NTM: variants seen among roughly 807,000 people sequenced by gnomAD.
NTM encodes neurotrimin.
NTM carries 13 observed loss-of-function variants against 42.1 expected under a neutral mutation model. The observed-to-expected ratio is 0.31, with a 90% CI of 0.20 to 0.49. The LOEUF is 0.49. Among genes scored for constraint, NTM ranks in the 20% least tolerant of loss-of-function variants. The pLI, the probability that NTM is intolerant of heterozygous loss-of-function variation, is 0.99. For synonymous variants in NTM, 187 were observed against 179.2 expected (o/e 1.04, Z -0.35); for missense variants, 373 against 452.8 (o/e 0.82, Z 1.60).
At chr11:131,633,026 C>CA (rs1430445864) in intron 1 of NTM, among the ~76,000 whole-genome samples, 1 of 152,154 alleles carries the variant, frequency 6.6e-6, no homozygotes, top group South Asian at 2.1e-4. Context: ...CTGCTGCATC[C>CA]AAAAGCTACT....
chr11:131,670,362 T>TTC (rs2069931456), intron 1 of NTM, among the ~76,000 whole-genome samples: 5 of 151,976 alleles, frequency 3.3e-5, no homozygotes, highest in African/African-American at 1.2e-4. Context: ...TCTCTTACTT[T>TTC]CTTCCTTCCT....
intron 1 of NTM, among the ~76,000 whole-genome samples, chr11:131,450,945 A>T (rs1343145522): frequency 2.6e-5 from 4 of 152,144 alleles, no homozygotes; most frequent in African/African-American, 9.7e-5. Context: ...TGCAAAGGAG[A>T]CAGGGCAGGG....
chr11:131,812,428 A>C (rs1213152799), intron 1 of NTM, among the ~76,000 whole-genome samples: 2 of 152,152 alleles, frequency 1.3e-5, no homozygotes, highest in East Asian at 1.9e-4. Context: ...AGAGCACTTC[A>C]TATTTGCCCC....
chr11:131,407,357 T>G (rs1346319721), intron 1 of NTM, among the ~76,000 whole-genome samples: 1 of 152,194 alleles, frequency 6.6e-6, no homozygotes, highest in Non-Finnish European at 1.5e-5. Context: ...CCTTTGCTTG[T>G]CAGTTTGTAT....
Position 131,819,653 on chromosome 11 carries a change from G to A in NTM, c.83-91911G>A, listed in dbSNP as rs1382477118. On this transcript the variant is annotated intron_variant, in intron 1 of 8. Transcript: ENST00000683400. ...ACTAATAAACAGCACTAGCCAGCATGCCCATGAAAGCCTGCAGCTTGTCCC... is the reference window on the plus strand; with the variant it reads ...ACTAATAAACAGCACTAGCCAGCATACCCATGAAAGCCTGCAGCTTGTCCC... Among the ~76,000 whole-genome samples the A allele has an allele frequency of 9.9e-5, 15 of 152,170 alleles. No homozygotes were observed. In the East Asian group the frequency reaches 2.7e-3, roughly 27 times the overall value.
intron 2 of NTM, among the ~76,000 whole-genome samples, chr11:132,036,658 A>G (rs534247175): frequency 1.8e-4 from 28 of 152,276 alleles, no homozygotes; most frequent in African/African-American, 6.7e-4. Flanking sequence ...AATTCCTGTC[A>G]TTAGGAGGCA....
chr11:131,572,486 C>CCTTTGTCT (rs1267784325), intron 1 of NTM, among the ~76,000 whole-genome samples: 3 of 152,288 alleles, frequency 2.0e-5, no homozygotes, highest in Admixed American at 6.5e-5. Context: ...TGCTTCCTTC[C>CCTTTGTCT]CTTTGTCTTC....
intron 2 of NTM, among the ~76,000 whole-genome samples, chr11:132,127,106 C>T (rs2065968493): frequency 6.6e-6 from 1 of 152,116 alleles, no homozygotes; most frequent in Non-Finnish European, 1.5e-5. Flanking sequence ...TTCAAACTGC[C>T]CCCCAAAGTC....
chr11:131,693,103 G>A (rs970408035), intron 1 of NTM, among the ~76,000 whole-genome samples: 5 of 152,162 alleles, frequency 3.3e-5, no homozygotes, highest in Non-Finnish European at 1.5e-5. Context: ...TGGGAGTTTG[G>A]CCTTGCAGGG....
chr11:131,781,463 A>G (rs1278147558), intron 1 of NTM, among the ~76,000 whole-genome samples: 1 of 152,182 alleles, frequency 6.6e-6, no homozygotes, highest in Non-Finnish European at 1.5e-5. Context: ...ATGAAAAAAA[A>G]AGAACATGAT....
At chr11:131,432,839 C>CATTTTT (rs1565494793) in intron 1 of NTM, among the ~76,000 whole-genome samples, 31 of 68,684 alleles carry the variant, frequency 4.5e-4, no homozygotes, top group Non-Finnish European at 6.2e-4. Flanking sequence ...ATTTAGCATT[C>CATTTTT]TTTTTTTTTT....
At chr11:131,639,103 C>A (rs529912629) in intron 1 of NTM, among the ~76,000 whole-genome samples, 64 of 152,304 alleles carry the variant, frequency 4.2e-4, no homozygotes, top group African/African-American at 1.5e-3. Flanking sequence ...GCTGAGAGTT[C>A]AAACCTGGCC....
intron 1 of NTM, among the ~76,000 whole-genome samples, chr11:131,699,107 C>T (rs118033700): frequency 0.011 from 1,625 of 152,296 alleles, 14 homozygotes; most frequent in South Asian, 0.04. Context: ...GTAAATTATA[C>T]CTTAACAACG....
intron 2 of NTM, among the ~76,000 whole-genome samples, chr11:131,928,388 T>C (rs753805611): frequency 1.3e-5 from 2 of 152,240 alleles, no homozygotes; most frequent in Non-Finnish European, 2.9e-5. Context: ...AAAAACAAGT[T>C]AAAATGCTTA....
intron 4 of NTM, among the ~76,000 whole-genome samples, chr11:132,230,315 A>G (rs1354840409): frequency 6.6e-6 from 1 of 152,268 alleles, no homozygotes; most frequent in East Asian, 1.9e-4. Context: ...GTTTATCTTT[A>G]GAGCAGCACT....
intron 1 of NTM, among the ~76,000 whole-genome samples, chr11:131,772,188 A>G (rs1364244432): frequency 1.3e-5 from 2 of 152,288 alleles, no homozygotes; most frequent in African/African-American, 2.4e-5. Context: ...GTATGCATGC[A>G]TATTTTCTAG....
chr11:131,807,636 A>G (rs1299117010), intron 1 of NTM, among the ~76,000 whole-genome samples: 1 of 152,228 alleles, frequency 6.6e-6, no homozygotes, highest in African/African-American at 2.4e-5. Context: ...AAAGATCTCA[A>G]TAAGTGTTCA....
At chr11:132,092,919 G>A (rs1187913984) in intron 2 of NTM, among the ~76,000 whole-genome samples, 1 of 152,120 alleles carries the variant, frequency 6.6e-6, no homozygotes, top group Non-Finnish European at 1.5e-5. Context: ...CAAGCTGCCT[G>A]ATCTCTCATT....
At chr11:131,874,435 T>C (rs1411343913) in intron 1 of NTM, among the ~76,000 whole-genome samples, 1 of 152,166 alleles carries the variant, frequency 6.6e-6, no homozygotes, top group East Asian at 1.9e-4. Flanking sequence ...AAAATAACAG[T>C]TAAGACATTC....
Sources: allele counts gnomAD v4.1 joint callset (sites outside exome capture counted in the v4.1 genomes callset), GRCh38; gene constraint gnomAD v4.1.1; transcripts MANE v1.5; gene names NCBI Gene and HGNC (gene_info 2026-07-23, HGNC 2026-07-21).